Variants in LDLRAD4 observed in about 807,000 individuals in gnomAD.
The protein encoded by LDLRAD4 is low density lipoprotein receptor class A domain containing 4.
Under a neutral mutation model 17.0 loss-of-function variants are expected in LDLRAD4, and 5 were observed. The observed-to-expected ratio is 0.29, with a 90% confidence interval of 0.15 to 0.62. LDLRAD4 has a LOEUF of 0.62. LDLRAD4 is among the 20% of genes least tolerant of loss of function. The pLI is 0.84. For synonymous variants in LDLRAD4, 168 were observed against 171.8 expected (o/e 0.98, Z 0.17); for missense variants, 340 against 424.7 (o/e 0.80, Z 1.75).
intron 1 of LDLRAD4, among the ~76,000 whole-genome samples, chr18:13,370,715 T>TTTTTTTTTTTTTTTTTTTTTTTTTTTG (rs1555663261): frequency 8.3e-6 from 1 of 120,992 alleles, no homozygotes; most frequent in Non-Finnish European, 1.6e-5. Context: ...TTTGTTTTGT[T>TTTTTTTTTTTTTTTTTTTTTTTTTTTG]TTTTTTTTTT....
chr18:13,384,974 C>T (rs1472927792), intron 1 of LDLRAD4, among the ~76,000 whole-genome samples: 1 of 151,916 alleles, frequency 6.6e-6, no homozygotes, highest in Admixed American at 6.6e-5. Context: ...TTTGACATAC[C>T]TATTTCAGTT....
chr18:13,371,893 A>G (rs967494681), intron 1 of LDLRAD4, among the ~76,000 whole-genome samples: 10 of 152,210 alleles, frequency 6.6e-5, no homozygotes, highest in African/African-American at 2.2e-4. Flanking sequence ...GTTTCATTAT[A>G]GGATTCCTTA....
chr18:13,328,366 C>T (rs1255695964), intron 1 of LDLRAD4, among the ~76,000 whole-genome samples: 1 of 152,180 alleles, frequency 6.6e-6, no homozygotes, highest in Non-Finnish European at 1.5e-5. Flanking sequence ...ATTCATGACT[C>T]CTCCTAGAGC....
intron 1 of LDLRAD4, among the ~76,000 whole-genome samples, chr18:13,220,747 C>A (rs2041405590): frequency 6.6e-6 from 1 of 152,196 alleles, no homozygotes; most frequent in Admixed American, 6.5e-5. Flanking sequence ...CCTCATAGCT[C>A]CTGGGACGCT....
At chr18:13,469,795 GTGGTGACAGTTGCACAACAGTGCAAATGT>G (rs1480128564) in intron 3 of LDLRAD4, among the ~76,000 whole-genome samples, 1 of 152,180 alleles carries the variant, frequency 6.6e-6, no homozygotes, top group African/African-American at 2.4e-5. Flanking sequence ...GAAATGGATG[GTGGTGACAGTTGCACAACAGTGCAAATGT>G]TAGTAACACC....
intron 1 of LDLRAD4, among the ~76,000 whole-genome samples, chr18:13,332,894 A>G (rs945864339): frequency 1.3e-5 from 2 of 152,108 alleles, no homozygotes; most frequent in Admixed American, 6.6e-5. Flanking sequence ...AGGTTTTTGC[A>G]TGGTTGTAAG....
intron 2 of LDLRAD4, among the ~76,000 whole-genome samples, chr18:13,390,358 G>A (rs1245931877): frequency 6.6e-6 from 1 of 152,218 alleles, no homozygotes; most frequent in African/African-American, 2.4e-5. Flanking sequence ...AGCGCCGCGC[G>A]GGGCACACTC....
At chr18:13,458,987 G>T (rs984381723) in intron 3 of LDLRAD4, among the ~76,000 whole-genome samples, 1 of 152,120 alleles carries the variant, frequency 6.6e-6, no homozygotes, top group Non-Finnish European at 1.5e-5. Flanking sequence ...ATTAGTTTTG[G>T]ATTCCCAACC....
At chr18:13,576,665 C>A (rs1427407088) in intron 3 of LDLRAD4, among the ~76,000 whole-genome samples, 1 of 152,218 alleles carries the variant, frequency 6.6e-6, no homozygotes, top group Non-Finnish European at 1.5e-5. Flanking sequence ...TGTGGATTGT[C>A]TCTCTGTTCA....
At chr18:13,484,761 G>C (rs1046408178) in intron 3 of LDLRAD4, among the ~76,000 whole-genome samples, 1 of 152,204 alleles carries the variant, frequency 6.6e-6, no homozygotes, top group African/African-American at 2.4e-5. Flanking sequence ...ATCTGACCCA[G>C]TGCCAGTATC....
intron 1 of LDLRAD4, among the ~76,000 whole-genome samples, chr18:13,229,911 G>C (rs1298386709): frequency 6.6e-6 from 1 of 152,224 alleles, no homozygotes; most frequent in Non-Finnish European, 1.5e-5. Context: ...CTGGCTTCCT[G>C]AGGGCTCAAT....
At chr18:13,301,014 G>T (rs1469649037) in intron 1 of LDLRAD4, among the ~76,000 whole-genome samples, 1 of 152,346 alleles carries the variant, frequency 6.6e-6, no homozygotes, top group African/African-American at 2.4e-5. Flanking sequence ...CTCAGCGGCC[G>T]CTGGAGTGGG....
At chr18:13,246,992 A>G in intron 1 of LDLRAD4, among the ~76,000 whole-genome samples, 1 of 151,644 alleles carries the variant, frequency 6.6e-6, no homozygotes. Context: ...CACTGCACAC[A>G]GACACAGTGA....
chr18:13,378,395 T>A (rs1414045799), intron 1 of LDLRAD4, among the ~76,000 whole-genome samples: 1 of 152,114 alleles, frequency 6.6e-6, no homozygotes, highest in Non-Finnish European at 1.5e-5. Context: ...CATCTTTCGT[T>A]CTCAGGGCTG....
At chr18:13,379,167 C>T (rs990150511) in intron 1 of LDLRAD4, among the ~76,000 whole-genome samples, 1 of 152,230 alleles carries the variant, frequency 6.6e-6, no homozygotes, top group African/African-American at 2.4e-5. Flanking sequence ...ATGAGGTGAA[C>T]CCAATGTGGC....
chr18:13,558,024 T>C (rs2094502197), intron 3 of LDLRAD4, among the ~76,000 whole-genome samples: 2 of 152,166 alleles, frequency 1.3e-5, no homozygotes, highest in African/African-American at 4.8e-5. Context: ...CAAACTTTGA[T>C]TGGCACTTTA....
At chr18:13,314,107 G>A (rs1349647536) in intron 1 of LDLRAD4, among the ~76,000 whole-genome samples, 1 of 152,158 alleles carries the variant, frequency 6.6e-6, no homozygotes, top group Non-Finnish European at 1.5e-5. Flanking sequence ...AGGTGAAGAA[G>A]CAACACCTTC....
rs567787048 is a variant in LDLRAD4, at chr18:13,640,270, G to A, written c.337-3089G>A. On this transcript the variant is annotated intron_variant, in intron 4 of 5. Coordinates refer to ENST00000359446, the Ensembl canonical transcript of LDLRAD4. ...ATCCCGCCCCTGCACTCCAGCCTGG[G>A]CAACAGAGCGAGATTCCATCTCAAA... Among the ~76,000 whole-genome samples, 33 of 117,374 alleles carry A rather than the reference G, an allele frequency of 2.8e-4. 1 individual carries two copies. The East Asian group carries it at 6.5e-3, about 23-fold the overall frequency. 77.0% of individuals were successfully genotyped at this position (117,374 alleles called of 152,430 possible).
At chr18:13,518,945 C>T (rs1157564487) in intron 3 of LDLRAD4, among the ~76,000 whole-genome samples, 3 of 152,142 alleles carry the variant, frequency 2.0e-5, no homozygotes, top group Admixed American at 6.5e-5. Flanking sequence ...CACCATTCTA[C>T]GGAGGATATA....
Sources: gnomAD v4.1 joint callset for allele counts (sites outside exome capture counted in the v4.1 genomes callset) on GRCh38, gnomAD v4.1.1 for gene constraint, MANE v1.5 for transcripts, NCBI Gene and HGNC (gene_info 2026-07-23, HGNC 2026-07-21) for gene names.